SETBP1: variants seen among roughly 807,000 people sequenced by gnomAD.
The protein encoded by SETBP1 is SET binding protein 1, also known as SET-binding protein.
In SETBP1, 9 loss-of-function variants were observed where a neutral mutation model predicts 101.0. That is an observed-to-expected ratio of 0.09 (90% CI 0.05 to 0.16). SETBP1 has a LOEUF of 0.16. Ranked by LOEUF, SETBP1 falls within the 10% of genes least tolerant of loss-of-function variation. The pLI, the probability that SETBP1 is intolerant of heterozygous loss-of-function variation, is 1.00. For missense variants in SETBP1, 1,858 were observed against 2,033.8 expected (o/e 0.91, Z 1.66); for synonymous variants, 818 against 788.5 (o/e 1.04, Z -0.63).
At chr18:44,986,770 C>T (rs865794796) in intron 4 of SETBP1, 5 of 152,066 alleles carry the variant, frequency 3.3e-5, no homozygotes, top group Non-Finnish European at 5.9e-5. Context: ...GGCAATAACA[C>T]GTATGGTACT....
In SETBP1 at chr18:44,779,389, C is replaced by T. The variant is rs73487157; in HGVS notation, c.486+77557C>T. Among the ~76,000 whole-genome samples, 902 of 152,324 alleles carry T rather than the reference C, an allele frequency of 5.9e-3. 10 individuals are homozygous for T. The highest frequency in any genetic ancestry group is 0.021 in the African/African-American group (853 of 41,570). On this transcript the variant is annotated intron_variant, in intron 2 of 5. Transcript: ENST00000649279. ...ATAGAGCATAGTACTCTCTCCAAAC[C>T]AGGAGTAGAGGTTTTAGGAGTGCAA... is the stretch of plus-strand genomic sequence containing the variant.
At chr18:44,690,293 A>G (rs1027588522) in intron 1 of SETBP1, among the ~76,000 whole-genome samples, 1 of 152,222 alleles carries the variant, frequency 6.6e-6, no homozygotes, top group Non-Finnish European at 1.5e-5. Context: ...TGGAGCTGAT[A>G]TTTGTTTAGT....
chr18:44,764,347 G>A (rs1486641571), intron 2 of SETBP1, among the ~76,000 whole-genome samples: 1 of 152,194 alleles, frequency 6.6e-6, no homozygotes, highest in African/African-American at 2.4e-5. Context: ...TATCCATGAT[G>A]TTTCTCCTGA....
intron 4 of SETBP1, among the ~76,000 whole-genome samples, chr18:45,023,693 C>T (rs1369565847): frequency 1.3e-5 from 2 of 152,114 alleles, no homozygotes; most frequent in Non-Finnish European, 2.9e-5. Flanking sequence ...AAATTGCAAC[C>T]CTCCAGTCAG....
intron 2 of SETBP1, among the ~76,000 whole-genome samples, chr18:44,797,998 C>T (rs2071519559): frequency 6.6e-6 from 1 of 152,144 alleles, no homozygotes; most frequent in Non-Finnish European, 1.5e-5. Flanking sequence ...CATTCCCTGA[C>T]ATCTAAGCAG....
At chr18:44,963,948 C>T (rs1009706637) in intron 4 of SETBP1, among the ~76,000 whole-genome samples, 4 of 127,858 alleles carry the variant, frequency 3.1e-5, no homozygotes, top group East Asian at 4.5e-4. Context: ...AAAGTAAAAC[C>T]GGAATGGAGC....
intron 2 of SETBP1, among the ~76,000 whole-genome samples, chr18:44,826,056 A>T (rs1408365391): frequency 6.6e-6 from 1 of 152,262 alleles, no homozygotes; most frequent in Non-Finnish European, 1.5e-5. Context: ...AATAAATATT[A>T]GATGAATCTT....
At chr18:44,981,886 T>C (rs1390254399) in intron 4 of SETBP1, among the ~76,000 whole-genome samples, 1 of 152,190 alleles carries the variant, frequency 6.6e-6, no homozygotes, top group Non-Finnish European at 1.5e-5. Flanking sequence ...TAATTAGCAG[T>C]AAAAACAACA....
At chr18:44,877,577 A>G (rs931041699) in intron 3 of SETBP1, among the ~76,000 whole-genome samples, 9 of 152,222 alleles carry the variant, frequency 5.9e-5, no homozygotes, top group Admixed American at 5.2e-4. Flanking sequence ...TCCTAAGGAA[A>G]CCCATTTAAT....
chr18:45,024,457 C>T (rs1278856774), intron 4 of SETBP1, among the ~76,000 whole-genome samples: 1 of 152,154 alleles, frequency 6.6e-6, no homozygotes, highest in Non-Finnish European at 1.5e-5. Flanking sequence ...TATCTCTCTA[C>T]CAGTTCCAAA....
At chr18:44,789,448 A>G (rs1247788594) in intron 2 of SETBP1, among the ~76,000 whole-genome samples, 2 of 152,318 alleles carry the variant, frequency 1.3e-5, no homozygotes. Context: ...CTTGAATCTG[A>G]CTTCTTTCAG....
At chr18:45,026,682 T>C (rs62090485) in intron 4 of SETBP1, among the ~76,000 whole-genome samples, 1,734 of 152,314 alleles carry the variant, frequency 0.011, 17 homozygotes, top group Non-Finnish European at 0.019. Flanking sequence ...ACTCCCTTTG[T>C]TATACTTTTC....
chr18:44,960,051 C>A (rs2145146478), intron 4 of SETBP1, among the ~76,000 whole-genome samples: 1 of 152,096 alleles, frequency 6.6e-6, no homozygotes, highest in East Asian at 1.9e-4. Flanking sequence ...GGACTAGGTG[C>A]AAGCCCAGCT....
At chr18:45,053,563 G>A (rs1292577933) in intron 5 of SETBP1, among the ~76,000 whole-genome samples, 1 of 152,132 alleles carries the variant, frequency 6.6e-6, no homozygotes, top group African/African-American at 2.4e-5. Context: ...CCATCAGATT[G>A]CCAAGTATGC....
intron 2 of SETBP1, among the ~76,000 whole-genome samples, chr18:44,824,985 G>C (rs773905437): frequency 6.6e-6 from 1 of 152,194 alleles, no homozygotes; most frequent in South Asian, 2.1e-4. Flanking sequence ...CTCTGCTCCC[G>C]GTAGAGTGGA....
Position 45,063,772 on chromosome 18 carries a change from G to T in SETBP1, c.*74G>T. 2.0e-6 allele frequency: 3 copies of T among 1,495,080 alleles called. No individual in the cohort carries two copies. The highest frequency in any genetic ancestry group is 2.7e-6 in the Non-Finnish European group (3 of 1,104,728). The allele number at this position is 1,495,080 out of a possible 1,614,324, so 92.6% of individuals were successfully genotyped here. ...AAGCGCAGTGAGCCGGGGCGGGGGCGGAATCCCCCGCTGCAGGGACACCCA... is the reference window on the plus strand; with the variant it reads ...AAGCGCAGTGAGCCGGGGCGGGGGCTGAATCCCCCGCTGCAGGGACACCCA... On this transcript the variant is annotated 3_prime_UTR_variant, in exon 6 of 6. Transcript: ENST00000649279.
chr18:44,774,468 A>C (rs181293045), intron 2 of SETBP1, among the ~76,000 whole-genome samples: 46 of 152,198 alleles, frequency 3.0e-4, no homozygotes, highest in Middle Eastern at 3.4e-3. Flanking sequence ...AGACATGCTG[A>C]TGACCCATCT....
intron 5 of SETBP1, among the ~76,000 whole-genome samples, chr18:45,050,611 A>G (rs1281973138): frequency 6.6e-6 from 1 of 152,242 alleles, no homozygotes; most frequent in African/African-American, 2.4e-5. Context: ...AGTTAGTGCT[A>G]CCAATGGATA....
chr18:44,813,274 C>T (rs1278701024), intron 2 of SETBP1, among the ~76,000 whole-genome samples: 1 of 152,168 alleles, frequency 6.6e-6, no homozygotes, highest in Non-Finnish European at 1.5e-5. Context: ...GATGGCTCCT[C>T]CCCATGTTTT....
Sources: allele counts gnomAD v4.1 joint callset (sites outside exome capture counted in the v4.1 genomes callset), GRCh38; gene constraint gnomAD v4.1.1; transcripts MANE v1.5; gene names NCBI Gene and HGNC (gene_info 2026-07-23, HGNC 2026-07-21).